Variants in TFDP1 observed in about 807,000 individuals in gnomAD.
The protein encoded by TFDP1 is DRTF1-polypeptide 1.
TFDP1 carries 6 observed loss-of-function variants against 48.0 expected under a neutral mutation model. That is an observed-to-expected ratio of 0.13 (90% CI 0.07 to 0.25). TFDP1 has a LOEUF of 0.25. Among genes scored for constraint, TFDP1 ranks in the 10% least tolerant of loss-of-function variants. The pLI is 1.00. For synonymous variants in TFDP1, 201 were observed against 211.6 expected (o/e 0.95, Z 0.44); for missense variants, 335 against 543.0 (o/e 0.62, Z 3.81).
intron 2 of TFDP1, among the ~76,000 whole-genome samples, chr13:113,591,874 C>T (rs535304157): frequency 2.0e-5 from 3 of 152,312 alleles, no homozygotes; most frequent in South Asian, 2.1e-4. Context: ...GTGTCTTACT[C>T]AGATGATTCT....
chr13:113,591,347 A>G (rs2048141375), intron 2 of TFDP1, among the ~76,000 whole-genome samples: 1 of 152,136 alleles, frequency 6.6e-6, no homozygotes, highest in South Asian at 2.1e-4. Flanking sequence ...ATCTCAAAAA[A>G]AAAAAAAAAG....
intron 5 of TFDP1, chr13:113,631,946 G>A (rs1336372222): frequency 2.0e-5 from 14 of 690,386 alleles, no homozygotes; most frequent in Non-Finnish European, 2.7e-5. Context: ...TGGAGAAGTC[G>A]GGCTGGGCAC....
intron 3 of TFDP1, among the ~76,000 whole-genome samples, chr13:113,617,873 T>A (rs189990331): frequency 1.8e-4 from 28 of 152,360 alleles, no homozygotes; most frequent in Admixed American, 3.9e-4. Flanking sequence ...ATTAATAGAA[T>A]AGGATTAGTA....
Position 113,633,423 on chromosome 13 carries a change from GT to G in TFDP1, c.474+139del, listed in dbSNP as rs2049390157. On this transcript the variant is annotated intron_variant, in intron 6 of 11. Coordinates refer to ENST00000375370, the MANE Select transcript of TFDP1 (RefSeq NM_007111.5). The surrounding 1 kb of genome is among the most constrained non-coding windows in gnomAD (Gnocchi z 4.5). ...GCATAAAAGAATTTTTACCAAACGA[GT>G]CAGTAAGTGTGTGCCGGGGCCGAGA... 2.9e-6 allele frequency: 3 copies of G among 1,049,396 alleles called. No individual in the cohort carries two copies. The highest frequency in any genetic ancestry group is 4.2e-6 in the Non-Finnish European group (3 of 722,436). The allele number at this position is 1,049,396 out of a possible 1,614,324, so 65.0% of individuals were successfully genotyped here.
At chr13:113,640,096 C>CG (rs761957497) in intron 11 of TFDP1, 24 bp from the exon 12 acceptor site, 8 of 1,561,276 alleles carry the variant, frequency 5.1e-6, no homozygotes, top group Non-Finnish European at 6.9e-6. Flanking sequence ...GCACTGACGG[C>CG]GCCATCCGCC....
intron 2 of TFDP1, among the ~76,000 whole-genome samples, chr13:113,600,001 C>T (rs189991290): frequency 4.0e-4 from 58 of 145,262 alleles, no homozygotes; most frequent in Non-Finnish European, 4.5e-4. Flanking sequence ...AGCCCAGGAC[C>T]GTGAGAGAGA....
chr13:113,623,383 T>G lies in TFDP1; in HGVS notation c.186+97T>G. ...GGATGTTCCCAGGTGTGCCTGGATT[T>G]GGGCTCCAGTTGCAGCATGGGGCCT... On this transcript the variant is annotated intron_variant, in intron 4 of 11. Transcript: ENST00000375370. This position sits in a 1 kb window ranked among gnomAD's most constrained non-coding sequence, Gnocchi z 5.2. 8.4e-7 allele frequency: 1 copy of G among 1,192,024 alleles called. No individual in the cohort carries two copies. Among genetic ancestry groups the G allele is most frequent in the Non-Finnish European group, 1.2e-6 (1 of 843,002 alleles). The allele number at this position is 1,192,024 out of a possible 1,614,324, so 73.8% of individuals were successfully genotyped here. A position where few individuals can be genotyped will look rare whatever the true frequency, so the allele number is the denominator to read the frequency against.
chr13:113,637,989 C>G (rs1213761590), intron 11 of TFDP1, 93 bp downstream of exon 11: 5 of 1,522,824 alleles, frequency 3.3e-6, no homozygotes, highest in South Asian at 1.3e-5. Flanking sequence ...GTGTGGCCAT[C>G]AGGTCTGTGG....
rs535802709 is a variant in TFDP1 at position 113,589,696 on chromosome 13, G to T, written c.12+3847G>T. ...ACCGTCCTCAGATTCAGTCTTGGAA[G>T]GTGCTTTGGCACCTCCTTAGAGTCG... is the stretch of plus-strand genomic sequence containing the variant. On this transcript the variant is annotated intron_variant, in intron 2 of 11. Transcript: ENST00000375370. Among the ~76,000 whole-genome samples, 7 of 152,354 alleles carry T rather than the reference G, an allele frequency of 4.6e-5. No homozygotes were observed. In the South Asian group the frequency reaches 1.4e-3, roughly 32 times the overall value.
chr13:113,616,248 C>T (rs1042592071), intron 3 of TFDP1, among the ~76,000 whole-genome samples: 2 of 150,890 alleles, frequency 1.3e-5, no homozygotes, highest in South Asian at 2.1e-4. Flanking sequence ...TACATTTGAG[C>T]GTGCACTTTC....
At chr13:113,625,674 CGTCTCTCACGTGTCCTCAGGT>C (rs2049141090) in intron 4 of TFDP1, among the ~76,000 whole-genome samples, 11 of 42,722 alleles carry the variant, frequency 2.6e-4, no homozygotes, top group Non-Finnish European at 1.7e-4. Flanking sequence ...TGTCCTCAGG[CGTCTCTCACGTGTCCTCAGGT>C]GTCTCTCAGG....
chr13:113,595,810 C>A (rs550429198), intron 2 of TFDP1, among the ~76,000 whole-genome samples: 1 of 152,228 alleles, frequency 6.6e-6, no homozygotes, highest in African/African-American at 2.4e-5. Flanking sequence ...CGGCCGGGTG[C>A]GGTGGCTCAC....
intron 2 of TFDP1, among the ~76,000 whole-genome samples, chr13:113,588,681 G>GT (rs1281197957): frequency 1.3e-5 from 2 of 152,016 alleles, no homozygotes; most frequent in Non-Finnish European, 2.9e-5. Flanking sequence ...AGTGATCAGT[G>GT]ATGGTGTAGT....
intron 1 of TFDP1, chr13:113,585,564 G>T (rs1296145942): frequency 5.6e-6 from 2 of 354,520 alleles, no homozygotes; most frequent in Non-Finnish European, 1.0e-5. Flanking sequence ...CGGGCCCGCG[G>T]GCCACTTTTC....
At chr13:113,622,131 T>A (rs1183058533) in intron 3 of TFDP1, among the ~76,000 whole-genome samples, 4 of 152,246 alleles carry the variant, frequency 2.6e-5, no homozygotes, top group Non-Finnish European at 5.9e-5. Context: ...TGATTGGAGA[T>A]GGCTTACTCT....
chr13:113,600,147 GCCGTGAGAGAGAACCCAGGA>G (rs2048377241), intron 2 of TFDP1, among the ~76,000 whole-genome samples: 1 of 89,364 alleles, frequency 1.1e-5, no homozygotes, highest in Non-Finnish European at 2.3e-5. Context: ...GGGCTCCAGA[GCCGTGAGAGAGAACCCAGGA>G]CCGTGAGAGA....
rs76579063 is a variant in TFDP1, at chr13:113,613,353, C to T, written c.79+2291C>T. On this transcript the variant is annotated intron_variant, in intron 3 of 11. Transcript: ENST00000375370. ...TAAATTTGCTTTTGAATCAGTGACA[C>T]GTTCATGTTTTTAAATTTTGAAGTA... is the stretch of plus-strand genomic sequence containing the variant. 2.6e-5 allele frequency among the ~76,000 whole-genome samples: 4 copies of T among 152,304 alleles called. No homozygotes were observed. The East Asian group carries it at 5.8e-4, about 22-fold the overall frequency.
intron 4 of TFDP1, among the ~76,000 whole-genome samples, chr13:113,624,472 CAG>C (rs1383365352): frequency 1.3e-5 from 2 of 151,336 alleles, no homozygotes; most frequent in Non-Finnish European, 2.9e-5. Context: ...ACGTGTCTCT[CAG>C]GGTGTCTCTC....
At chr13:113,597,525 G>A (rs1278328107) in intron 2 of TFDP1, among the ~76,000 whole-genome samples, 3 of 152,234 alleles carry the variant, frequency 2.0e-5, no homozygotes, top group Admixed American at 6.5e-5. Context: ...CTAGCCCTGC[G>A]ACCTCAGGTG....
Sources: allele counts gnomAD v4.1 joint callset (sites outside exome capture counted in the v4.1 genomes callset), GRCh38; gene constraint gnomAD v4.1.1; non-coding constraint Gnocchi (gnomAD v3.1); transcripts MANE v1.5; gene names NCBI Gene and HGNC (gene_info 2026-07-23, HGNC 2026-07-21).